EDA: variants seen among roughly 807,000 people sequenced by gnomAD.
EDA encodes ectodysplasin A.
In EDA, 2 loss-of-function variants were observed where a neutral mutation model predicts 23.6. The ratio of observed to expected loss-of-function variants is 0.08; its 90% confidence interval spans 0.03 to 0.27. The LOEUF (loss-of-function observed/expected upper bound fraction) is 0.27. EDA is among the 10% of genes least tolerant of loss of function. EDA has a pLI of 1.00. For synonymous variants in EDA, 131 were observed against 132.0 expected (o/e 0.99, Z 0.05); for missense variants, 229 against 324.2 (o/e 0.71, Z 2.26).
chrX:69,618,214 C>G lies in EDA; in HGVS notation c.396+1510C>G, dbSNP rs752665623. Among the ~76,000 whole-genome samples the G allele has an allele frequency of 9.4e-4, 105 of 111,883 alleles. 1 individual carries two copies. The highest frequency in any genetic ancestry group is 1.9e-4 in the Admixed American group (2 of 10,565). On this transcript the variant is annotated intron_variant, in intron 1 of 7. Coordinates refer to ENST00000374552, the MANE Select transcript of EDA (RefSeq NM_001399.5). ...TTAAACTTCTTTAATCAAATGTTGG[C>G]CAATACTTTTTGGCATTCAGGATGG...
chrX:69,964,470 A>C (rs2147430445), intron 2 of EDA, among the ~76,000 whole-genome samples: 1 of 111,822 alleles, frequency 8.9e-6, no homozygotes, highest in African/African-American at 3.2e-5. Flanking sequence ...GTTTCCTTCC[A>C]ACTCTGATAT....
chrX:69,760,234 A>G (rs1376453327), intron 1 of EDA, among the ~76,000 whole-genome samples: 1 of 108,463 alleles, frequency 9.2e-6, no homozygotes, highest in Admixed American at 9.9e-5. Context: ...AGCAGTACAA[A>G]TGTACATCAT....
intron 1 of EDA, among the ~76,000 whole-genome samples, chrX:69,712,835 G>A (rs1325483147): frequency 9.0e-6 from 1 of 111,156 alleles, no homozygotes; most frequent in Non-Finnish European, 1.9e-5. Flanking sequence ...TGATAGACTG[G>A]ATTAAGGAAA....
intron 1 of EDA, among the ~76,000 whole-genome samples, chrX:69,788,407 T>TC (rs954244129): frequency 1.8e-5 from 2 of 111,929 alleles, no homozygotes; most frequent in African/African-American, 6.5e-5. Flanking sequence ...TCTGTTTTTT[T>TC]CCCATCTTTG....
chrX:69,871,205 C>T (rs1302897585), intron 1 of EDA, among the ~76,000 whole-genome samples: 3 of 111,459 alleles, frequency 2.7e-5, no homozygotes, highest in African/African-American at 9.8e-5. Flanking sequence ...TATTAAGCAG[C>T]CAACTCCAGA....
intron 1 of EDA, among the ~76,000 whole-genome samples, chrX:69,842,756 C>T (rs2016921393): frequency 9.0e-6 from 1 of 111,590 alleles, no homozygotes; most frequent in Admixed American, 9.5e-5. Flanking sequence ...AGCAGCATCC[C>T]CTTGGTCCTG....
intron 1 of EDA, among the ~76,000 whole-genome samples, chrX:69,662,503 C>CTTT (rs1368439791): frequency 1.8e-5 from 2 of 112,266 alleles, no homozygotes; most frequent in African/African-American, 6.5e-5. Flanking sequence ...AACTGTGAGT[C>CTTT]CATTAAACCT....
intron 1 of EDA, among the ~76,000 whole-genome samples, chrX:69,767,433 G>T (rs1306299846): frequency 9.2e-6 from 1 of 109,235 alleles, no homozygotes; most frequent in African/African-American, 3.3e-5. Context: ...AGATTAGTTT[G>T]CATATTCTAG....
At chrX:70,033,325 T>A in intron 6 of EDA, 73 bp from the exon 7 acceptor site, 1 of 1,194,911 alleles carries the variant, frequency 8.4e-7, no homozygotes, top group Non-Finnish European at 1.1e-6. Context: ...GGTTGTGAAC[T>A]CCTTGGTATT....
intron 1 of EDA, among the ~76,000 whole-genome samples, chrX:69,783,698 T>A (rs755544847): frequency 5.4e-5 from 6 of 111,562 alleles, no homozygotes; most frequent in Admixed American, 3.8e-4. Context: ...TGTTGGACAT[T>A]TCGGTTGGTT....
chrX:69,836,537 G>A (rs1389987398), intron 1 of EDA, among the ~76,000 whole-genome samples: 1 of 112,710 alleles, frequency 8.9e-6, no homozygotes, highest in Non-Finnish European at 1.9e-5. Context: ...GGGACCCACC[G>A]AGCCAGGCAT....
chrX:69,792,966 T>C (rs1051148436), intron 1 of EDA, among the ~76,000 whole-genome samples: 1 of 112,319 alleles, frequency 8.9e-6, no homozygotes, highest in Non-Finnish European at 1.9e-5. Context: ...AGCTTTTTAG[T>C]TTAATTAGGT....
rs1026293603 is a variant in EDA at position 69,990,486 on chromosome X, G to T, written c.503-32732G>T. ...CTGCCGGAGTCTAGTTATCTGCCAG[G>T]GGGGATGAAAGTGTCAGCTCTCTTC... On this transcript the variant is annotated intron_variant, in intron 2 of 7. Transcript: ENST00000374552. Among the ~76,000 whole-genome samples the T allele has an allele frequency of 3.8e-5, 4 of 105,610 alleles. No homozygotes were observed. The Admixed American group carries it at 3.9e-4, about 10-fold the overall frequency. 91.7% of individuals were successfully genotyped at this position (105,610 alleles called of 115,157 possible).
chrX:69,865,976 A>G (rs911270763), intron 1 of EDA, among the ~76,000 whole-genome samples: 3 of 112,638 alleles, frequency 2.7e-5, no homozygotes, highest in African/African-American at 9.7e-5. Context: ...TAACAAAAGA[A>G]GTAGGAAATA....
At chrX:69,976,966 T>C (rs1229218937) in intron 2 of EDA, among the ~76,000 whole-genome samples, 1 of 112,381 alleles carries the variant, frequency 8.9e-6, no homozygotes, top group African/African-American at 3.2e-5. Context: ...TTCAAAGATT[T>C]TGGATACATT....
chrX:69,763,407 A>G (rs1032866736), intron 1 of EDA, among the ~76,000 whole-genome samples: 1 of 111,902 alleles, frequency 8.9e-6, no homozygotes, highest in Non-Finnish European at 1.9e-5. Context: ...TTATTGGTAA[A>G]TGAAAAATGT....
At chrX:70,016,451 A>G (rs1490100305) in intron 2 of EDA, among the ~76,000 whole-genome samples, 4 of 111,531 alleles carry the variant, frequency 3.6e-5, no homozygotes, top group African/African-American at 9.8e-5. Flanking sequence ...TTATCTGCAC[A>G]TAGCATATGC....
intron 1 of EDA, among the ~76,000 whole-genome samples, chrX:69,923,281 C>T (rs769502448): frequency 2.4e-4 from 26 of 110,272 alleles, no homozygotes; most frequent in Admixed American, 2.0e-3. Flanking sequence ...CTCTAAGTCC[C>T]GTCCCCTTGC....
intron 1 of EDA, among the ~76,000 whole-genome samples, chrX:69,725,182 T>A (rs1232633288): frequency 1.8e-5 from 2 of 111,877 alleles, no homozygotes; most frequent in African/African-American, 6.5e-5. Flanking sequence ...ATTAACTGCC[T>A]TGACAAAAAC....
Sources: allele counts gnomAD v4.1 joint callset (sites outside exome capture counted in the v4.1 genomes callset), GRCh38; gene constraint gnomAD v4.1.1; transcripts MANE v1.5; gene names NCBI Gene and HGNC (gene_info 2026-07-23, HGNC 2026-07-21).